Variants in KANSL1L observed in about 807,000 individuals in gnomAD.
KANSL1L encodes the protein KAT8 regulatory NSL complex subunit 1-like protein.
Under a neutral mutation model 108.6 loss-of-function variants are expected in KANSL1L, and 25 were observed. That is an observed-to-expected ratio of 0.23 (90% CI 0.17 to 0.32). KANSL1L has a LOEUF of 0.32. Ranked by LOEUF, KANSL1L falls within the 10% of genes least tolerant of loss-of-function variation. The pLI is 1.00. For synonymous variants in KANSL1L, 405 were observed against 395.1 expected (o/e 1.03, Z -0.30); for missense variants, 1,137 against 1,125.7 (o/e 1.01, Z -0.14).
At chr2:210,030,534 A>T (rs1244323818) in intron 9 of KANSL1L, among the ~76,000 whole-genome samples, 2 of 128,658 alleles carry the variant, frequency 1.6e-5, no homozygotes, top group Non-Finnish European at 1.6e-5. Context: ...GTTCCCAGTT[A>T]CTGTGTGTGT....
At chr2:210,095,283 G>A (rs905501245) in intron 5 of KANSL1L, among the ~76,000 whole-genome samples, 1 of 151,840 alleles carries the variant, frequency 6.6e-6, no homozygotes, top group Non-Finnish European at 1.5e-5. Context: ...TTTTATTATA[G>A]CCTTTAAAAT....
intron 6 of KANSL1L, among the ~76,000 whole-genome samples, chr2:210,075,302 A>T (rs897386665): frequency 3.3e-5 from 5 of 152,168 alleles, no homozygotes; most frequent in Non-Finnish European, 7.4e-5. Flanking sequence ...GTTTAGGCAT[A>T]ATAGATCTTT....
chr2:210,145,829 G>T (rs142823711), intron 2 of KANSL1L, among the ~76,000 whole-genome samples: 1 of 152,224 alleles, frequency 6.6e-6, no homozygotes, highest in African/African-American at 2.4e-5. Flanking sequence ...TTTGAGGTGA[G>T]AGTATGCATA....
intron 6 of KANSL1L, among the ~76,000 whole-genome samples, chr2:210,046,892 A>G (rs917771517): frequency 6.6e-6 from 1 of 152,130 alleles, no homozygotes; most frequent in Non-Finnish European, 1.5e-5. Flanking sequence ...AGCCTAAACT[A>G]TATCAGGCCC....
intron 3 of KANSL1L, among the ~76,000 whole-genome samples, chr2:210,116,942 G>A (rs1343499140): frequency 6.6e-6 from 1 of 152,148 alleles, no homozygotes; most frequent in African/African-American, 2.4e-5. Context: ...TGACCTTTCA[G>A]ACGCAGAACT....
At chr2:210,172,697 A>G (rs1688395967), upstream of KANSL1L, among the ~76,000 whole-genome samples, 1 of 152,222 alleles carries the variant, frequency 6.6e-6, no homozygotes, top group Admixed American at 6.5e-5. Flanking sequence ...TATTTATTGG[A>G]TATTTACCAT....
intron 5 of KANSL1L, among the ~76,000 whole-genome samples, chr2:210,085,892 T>C (rs1290295170): frequency 6.7e-6 from 1 of 149,868 alleles, no homozygotes; most frequent in Admixed American, 6.7e-5. Context: ...AAAAGTAAAC[T>C]ATGTATATAT....
At chr2:210,116,285 C>T (rs1168883299) in intron 3 of KANSL1L, among the ~76,000 whole-genome samples, 2 of 152,110 alleles carry the variant, frequency 1.3e-5, no homozygotes, top group African/African-American at 4.8e-5. Flanking sequence ...CAGGTGGAGT[C>T]CCAAGATGGC....
intron 6 of KANSL1L, among the ~76,000 whole-genome samples, chr2:210,056,181 C>T (rs2094348473): frequency 6.6e-6 from 1 of 152,198 alleles, no homozygotes; most frequent in African/African-American, 2.4e-5. Flanking sequence ...GCCTTGGCAG[C>T]TTACGTGTGG....
chr2:210,166,395 T>A (rs901810094), intron 1 of KANSL1L, among the ~76,000 whole-genome samples: 3 of 152,220 alleles, frequency 2.0e-5, no homozygotes, highest in Admixed American at 6.5e-5. Context: ...TTTCAAAAAA[T>A]TTTTGACAAA....
intron 3 of KANSL1L, among the ~76,000 whole-genome samples, chr2:210,107,785 G>A (rs1306111209): frequency 2.6e-5 from 4 of 151,736 alleles, no homozygotes; most frequent in Non-Finnish European, 4.4e-5. Flanking sequence ...CGCCTGCCTC[G>A]GCCTCCCAAA....
intron 2 of KANSL1L, among the ~76,000 whole-genome samples, chr2:210,131,615 C>T (rs79593434): frequency 0.011 from 1,631 of 151,752 alleles, 23 homozygotes; most frequent in African/African-American, 0.035. Context: ...ATATACTAGA[C>T]TAAATTATAC....
At chr2:210,076,686 A>T (rs919185630) in intron 5 of KANSL1L, among the ~76,000 whole-genome samples, 7 of 151,536 alleles carry the variant, frequency 4.6e-5, no homozygotes, top group African/African-American at 1.4e-4. Flanking sequence ...ATTATTTTTT[A>T]AAAATTATAT....
intron 5 of KANSL1L, among the ~76,000 whole-genome samples, chr2:210,079,422 C>A (rs976300625): frequency 2.0e-5 from 3 of 150,598 alleles, no homozygotes; most frequent in African/African-American, 7.3e-5. Flanking sequence ...ATAATTAAAC[C>A]CCATCTCTAC....
intron 2 of KANSL1L, among the ~76,000 whole-genome samples, chr2:210,141,162 CTGTT>C (rs1466874214): frequency 7.0e-6 from 1 of 142,548 alleles, no homozygotes; most frequent in Non-Finnish European, 1.5e-5. Flanking sequence ...CCACTCCTCT[CTGTT>C]TTCTTTCTTT....
intron 8 of KANSL1L, among the ~76,000 whole-genome samples, chr2:210,033,396 G>A (rs184816973): frequency 6.6e-6 from 1 of 152,190 alleles, no homozygotes; most frequent in Non-Finnish European, 1.5e-5. Flanking sequence ...GGTGTTAAAA[G>A]TGTCCATTCT....
At chr2:210,056,241 G>C (rs2094349190) in intron 6 of KANSL1L, among the ~76,000 whole-genome samples, 1 of 152,140 alleles carries the variant, frequency 6.6e-6, no homozygotes, top group South Asian at 2.1e-4. Flanking sequence ...ACTGAGGTTT[G>C]GGAACCTTCG....
At chr2:210,049,131 G>A (rs374584311) in intron 6 of KANSL1L, among the ~76,000 whole-genome samples, 4 of 152,000 alleles carry the variant, frequency 2.6e-5, no homozygotes, top group Admixed American at 2.6e-4. Flanking sequence ...TTTCTAAAAT[G>A]ACTCCTCACA....
At chr2:210,144,481 A>G (rs1409741909) in intron 2 of KANSL1L, among the ~76,000 whole-genome samples, 1 of 152,194 alleles carries the variant, frequency 6.6e-6, no homozygotes, top group Non-Finnish European at 1.5e-5. Flanking sequence ...TAAATCACAC[A>G]GGCTTTCTTC....
Sources: allele counts gnomAD v4.1 joint callset (sites outside exome capture counted in the v4.1 genomes callset), GRCh38; gene constraint gnomAD v4.1.1; transcripts MANE v1.5; gene names NCBI Gene and HGNC (gene_info 2026-07-23, HGNC 2026-07-21).